The following CACNA1D variants were observed in gnomAD, a reference collection of about 807,000 sequenced individuals.
The protein encoded by CACNA1D is calcium voltage-gated channel subunit alpha1 D.
Under a neutral mutation model 257.1 loss-of-function variants are expected in CACNA1D, and 55 were observed. The observed-to-expected ratio is 0.21, with a 90% CI of 0.17 to 0.27. The LOEUF (loss-of-function observed/expected upper bound fraction) is 0.27, where lower values mean the gene tolerates loss of function less well. Ranked by LOEUF, CACNA1D falls within the 10% of genes least tolerant of loss-of-function variation. The probability of loss-of-function intolerance (pLI) is 1.00; values close to 1 mark genes in which losing one functional copy is unlikely to be tolerated. For synonymous variants in CACNA1D, 980 were observed against 1,014.9 expected (o/e 0.97, Z 0.65); for missense variants, 1,876 against 2,784.0 (o/e 0.67, Z 7.34).
chr3:53,693,461 A>ATTT (rs10576296), intron 8 of CACNA1D, among the ~76,000 whole-genome samples: 6 of 142,466 alleles, frequency 4.2e-5, no homozygotes, highest in African/African-American at 1.0e-4. Flanking sequence ...CATTGCTGTT[A>ATTT]TTTTTTTTTT....
At chr3:53,512,500 T>C (rs1224567865) in intron 3 of CACNA1D, among the ~76,000 whole-genome samples, 1 of 152,156 alleles carries the variant, frequency 6.6e-6, no homozygotes, top group Non-Finnish European at 1.5e-5. Flanking sequence ...GAGGTTGGGA[T>C]TGGAGAGGAC....
chr3:53,621,104 G>A (rs1267751680), intron 3 of CACNA1D, among the ~76,000 whole-genome samples: 2 of 152,316 alleles, frequency 1.3e-5, no homozygotes, highest in East Asian at 3.9e-4. Context: ...TTGGAGAAGA[G>A]CTTTTTATTA....
At chr3:53,528,016 G>A (rs947147972) in intron 3 of CACNA1D, among the ~76,000 whole-genome samples, 4 of 152,190 alleles carry the variant, frequency 2.6e-5, no homozygotes, top group Non-Finnish European at 5.9e-5. Flanking sequence ...GAATGTTGGA[G>A]AGAAATCTAG....
At chr3:53,616,920 G>A (rs1379623442) in intron 3 of CACNA1D, among the ~76,000 whole-genome samples, 1 of 152,100 alleles carries the variant, frequency 6.6e-6, no homozygotes, top group African/African-American at 2.4e-5. Context: ...GTGGGTTGAG[G>A]GGAAAGAATG....
rs150223862 is a variant in CACNA1D at position 53,630,480 on chromosome 3, C to G, written c.484-20299C>G. On this transcript the variant is annotated intron_variant, in intron 3 of 47. Coordinates refer to ENST00000350061, the MANE Select transcript of CACNA1D (RefSeq NM_001128840.3). ...TGCACTCGTATCTCATTATTTGAGACAGTACTTAATTAATTTAGGTAGTTA... is the reference window on the plus strand; with the variant it reads ...TGCACTCGTATCTCATTATTTGAGAGAGTACTTAATTAATTTAGGTAGTTA... Among the ~76,000 whole-genome samples the G allele has an allele frequency of 1.8e-3, 271 of 152,270 alleles. 1 individual carries two copies. The highest frequency in any genetic ancestry group is 6.2e-3 in the African/African-American group (256 of 41,532).
intron 20 of CACNA1D, among the ~76,000 whole-genome samples, chr3:53,739,890 T>C (rs2095098559): frequency 6.6e-6 from 1 of 152,244 alleles, no homozygotes; most frequent in Non-Finnish European, 1.5e-5. Flanking sequence ...CATACTTCAT[T>C]CAGCCAGAAA....
chr3:53,595,540 A>G (rs946689770), intron 3 of CACNA1D, among the ~76,000 whole-genome samples: 2 of 152,112 alleles, frequency 1.3e-5, no homozygotes, highest in Non-Finnish European at 2.9e-5. Flanking sequence ...CCCGGGAACT[A>G]TTCAACATCT....
rs760291838 is a variant in CACNA1D, at chr3:53,747,412, C to T, written c.3278C>T (p.Ala1093Val). 5.6e-6 allele frequency: 9 copies of T among 1,614,060 alleles called. No individual in the cohort carries two copies. Among genetic ancestry groups the T allele is most frequent in the South Asian group, 3.3e-5 (3 of 91,086 alleles). The change falls in exon 26 of 48, where the codon GCG becomes GTG. Residue 1093 changes from alanine (A) to valine (V), a missense_variant. By Grantham distance (64) the Ala-to-Val change is moderately conservative. Coordinates refer to ENST00000350061, the MANE Select transcript of CACNA1D (RefSeq NM_001128840.3). ...NFDNVLSAMM[A>V]LFTVSTFEGW... ...GACAACGTCCTCTCTGCTATGATGG[C>T]GCTCTTCACAGTCTCCACGTTTGAG...
At chr3:53,521,985 A>G (rs1014398530) in intron 3 of CACNA1D, among the ~76,000 whole-genome samples, 1 of 149,824 alleles carries the variant, frequency 6.7e-6, no homozygotes, top group African/African-American at 2.5e-5. Flanking sequence ...AAAAGAAATT[A>G]GCCAGGCATG....
intron 3 of CACNA1D, among the ~76,000 whole-genome samples, chr3:53,528,004 T>C (rs559414433): frequency 2.6e-5 from 4 of 152,336 alleles, no homozygotes; most frequent in African/African-American, 9.6e-5. Flanking sequence ...GTTTGAGTTA[T>C]AGAATGTTGG....
Position 53,740,265 on chromosome 3 carries a change from T to C in CACNA1D, c.2752-15T>C. ...CTGAATTCCTTTTCTCACTCCCACATGTTGTGCCTTGCAGATACTGGGTTA... is the reference window on the plus strand; with the variant it reads ...CTGAATTCCTTTTCTCACTCCCACACGTTGTGCCTTGCAGATACTGGGTTA... On this transcript the variant is annotated splice_polypyrimidine_tract_variant and intron_variant, in intron 20 of 47. Coordinates refer to ENST00000350061, the MANE Select transcript of CACNA1D (RefSeq NM_001128840.3). 2 of 1,592,496 alleles carry C rather than the reference T, an allele frequency of 1.3e-6. No individual in the cohort carries two copies. Among genetic ancestry groups the C allele is most frequent in the Non-Finnish European group, 1.7e-6 (2 of 1,160,282 alleles).
intron 19 of CACNA1D, among the ~76,000 whole-genome samples, chr3:53,735,024 T>A (rs1488744439): frequency 1.3e-5 from 2 of 152,122 alleles, no homozygotes; most frequent in African/African-American, 4.8e-5. Context: ...TAGACCTGGA[T>A]CGATTCTGCC....
Position 53,616,563 on chromosome 3 carries a change from C to T in CACNA1D, c.484-34216C>T, listed in dbSNP as rs536643527. Among the ~76,000 whole-genome samples the T allele has an allele frequency of 2.6e-5, 4 of 152,300 alleles. No homozygotes were observed. In the South Asian group the frequency reaches 8.3e-4, roughly 32 times the overall value. On this transcript the variant is annotated intron_variant, in intron 3 of 47. Transcript: ENST00000350061. ...TCTGCTTTCTTCCGTCTTCTTCCTA[C>T]CCACCCCCTGACCTAATGCTGTGCT...
intron 3 of CACNA1D, among the ~76,000 whole-genome samples, chr3:53,536,552 C>T (rs1045861280): frequency 1.3e-5 from 2 of 152,220 alleles, no homozygotes; most frequent in African/African-American, 4.8e-5. Context: ...GCATGAGAAA[C>T]TGTCTAGAGC....
Position 53,568,353 on chromosome 3 carries a change from A to G in CACNA1D, c.483+66633A>G, listed in dbSNP as rs146361149. On this transcript the variant is annotated intron_variant, in intron 3 of 47. Transcript: ENST00000350061. ...GGACCATTCTTTCTCATTTCTAGAC[A>G]GTGATTTCATATATTTTCCTCTCTC... Among the ~76,000 whole-genome samples, 1,158 of 152,292 alleles carry G rather than the reference A, an allele frequency of 7.6e-3. 19 individuals carry two copies. Among genetic ancestry groups the G allele is most frequent in the African/African-American group, 0.027 (1,103 of 41,560 alleles).
At chr3:53,651,366 C>CTTTTTGTTTTTTTTTTTTTTTTTTTTT (rs2094091728) in intron 4 of CACNA1D, among the ~76,000 whole-genome samples, 1 of 81,836 alleles carries the variant, frequency 1.2e-5, no homozygotes, top group African/African-American at 4.4e-5. Context: ...TATTAATTTT[C>CTTTTTGTTTTTTTTTTTTTTTTTTTTT]TTTTTTTTTT....
At chr3:53,678,295 A>C (rs1290555103) in intron 8 of CACNA1D, among the ~76,000 whole-genome samples, 2 of 152,236 alleles carry the variant, frequency 1.3e-5, no homozygotes, top group Admixed American at 6.5e-5. Context: ...TATTTGAAAT[A>C]CTTTGTTAAG....
chr3:53,750,848 A>G (rs1383391927), intron 27 of CACNA1D, among the ~76,000 whole-genome samples: 1 of 152,140 alleles, frequency 6.6e-6, no homozygotes, highest in Non-Finnish European at 1.5e-5. Context: ...TAGGCTCTCA[A>G]TGCTGAGCTG....
At chr3:53,711,609 G>A (rs1410861547) in intron 9 of CACNA1D, among the ~76,000 whole-genome samples, 1 of 152,232 alleles carries the variant, frequency 6.6e-6, no homozygotes, top group East Asian at 1.9e-4. Context: ...GCAGGGACGT[G>A]AAGCCAACAA....
Sources: gnomAD v4.1 joint callset for allele counts (sites outside exome capture counted in the v4.1 genomes callset) on GRCh38, gnomAD v4.1.1 for gene constraint, MANE v1.5 for transcripts, NCBI Gene and HGNC (gene_info 2026-07-23, HGNC 2026-07-21) for gene names.